Variants in ERMP1 observed in about 807,000 individuals in gnomAD.
The protein encoded by ERMP1 is endoplasmic reticulum metallopeptidase 1, also known as Felix-ina.
ERMP1 carries 86 observed loss-of-function variants against 92.0 expected under a neutral mutation model. That is an observed-to-expected ratio of 0.93 (90% CI 0.79 to 1.12). The LOEUF (loss-of-function observed/expected upper bound fraction) is 1.12, where lower values mean the gene tolerates loss of function less well. Ranked by LOEUF, ERMP1 falls within the 50% of genes most tolerant of loss-of-function variation. The pLI, the probability that ERMP1 is intolerant of heterozygous loss-of-function variation, is 0.00. For missense variants in ERMP1, 1,342 were observed against 1,116.3 expected (o/e 1.20, Z -2.88); for synonymous variants, 530 against 412.8 (o/e 1.28, Z -3.44).
Position 5,832,911 on chromosome 9 carries a change from C to T in ERMP1, c.117G>A (p.Leu39=), listed in dbSNP as rs913112285. Residue 39 remains leucine, a synonymous_variant, in exon 1 of 15, where the codon CTG becomes CTA. Coordinates refer to ENST00000339450, the MANE Select transcript of ERMP1 (RefSeq NM_024896.3). The part of the protein sequence containing the change: ...PEREARAQEP[L]VDGCSGGGRT... ...TCCCGCCGCCGCTGCACCCATCCAC[C>T]AGAGGCTCCTGCGCTCGGGCCTCCC... 6.4e-7 allele frequency: 1 copy of T among 1,561,108 alleles called. No individual in the cohort carries two copies.
intron 6 of ERMP1, among the ~76,000 whole-genome samples, chr9:5,854,290 G>GA (rs1180538453): frequency 2.6e-5 from 4 of 151,856 alleles, no homozygotes; most frequent in African/African-American, 4.8e-5. Context: ...CTTTGGAATA[G>GA]AAAAAAAATA....
intron 6 of ERMP1, among the ~76,000 whole-genome samples, chr9:5,849,667 G>C (rs976705648): frequency 6.6e-6 from 1 of 152,136 alleles, no homozygotes; most frequent in African/African-American, 2.4e-5. Context: ...TGTGATTCTT[G>C]GTTAATAAAA....
rs2131247887 is a variant in ERMP1, at chr9:5,815,485, C to T, written c.875-2450G>A. ...GAGTAAAATTAAAATACATAAAGTA[C>T]TGAAATAACAAAAAAAAAAAAAAAA... is the stretch of plus-strand genomic sequence containing the variant. On this transcript the variant is annotated intron_variant, in intron 4 of 14. Coordinates refer to ENST00000339450, the MANE Select transcript of ERMP1 (RefSeq NM_024896.3). Among the ~76,000 whole-genome samples the T allele has an allele frequency of 2.3e-5, 3 of 128,784 alleles. No individual in the cohort carries two copies. In the South Asian group the frequency reaches 8.2e-4, roughly 35 times the overall value. The allele number at this position is 128,784 out of a possible 152,430, so 84.5% of individuals were successfully genotyped here. A position where few individuals can be genotyped will look rare whatever the true frequency, so the allele number is the denominator to read the frequency against.
chr9:5,825,213 C>A lies in ERMP1; in HGVS notation c.647G>T (p.Ser216Ile), dbSNP rs574548226. 6.2e-7 allele frequency: 1 copy of A among 1,608,324 alleles called. No homozygotes were observed. The highest frequency in any genetic ancestry group is 1.1e-5 in the South Asian group (1 of 89,492). The change falls in exon 3 of 15, where the codon AGT (serine) becomes ATT (isoleucine). Residue 216 changes from serine (S) to isoleucine (I), a missense_variant. Coordinates refer to ENST00000339450, the MANE Select transcript of ERMP1 (RefSeq NM_024896.3). The stretch of plus-strand genomic sequence containing the variant: ...CACTGAGCAGCTAACTGCATCATCA[C>A]TGGCACCTTCAAATCAGAAAAACAA... Reference protein sequence around the residue: ...FDSVANSPGASDDAVSCSVML... With the variant: ...FDSVANSPGAIDDAVSCSVML...
intron 6 of ERMP1, among the ~76,000 whole-genome samples, chr9:5,843,138 T>G (rs1169061293): frequency 6.6e-6 from 1 of 152,174 alleles, no homozygotes; most frequent in African/African-American, 2.4e-5. Context: ...CATGGGCAGA[T>G]AAGGTGATAG....
Position 5,801,208 on chromosome 9 carries a change from C to T in ERMP1, c.2035G>A (p.Ala679Thr). ...GTFFPYSSNP[A>T]NPKPKRVFLQ... The stretch of plus-strand genomic sequence containing the variant: ...AACACTCTCTTTGGCTTCGGATTAG[C>T]AGGATTGGAGCTATATGGAAAAAAT... The change falls in exon 11 of 15, where the codon GCT becomes ACT. Residue 679 changes from alanine (A) to threonine (T), a missense_variant. Transcript: ENST00000339450. The T allele has an allele frequency of 6.2e-7, 1 of 1,612,574 alleles. No homozygotes were observed. The highest frequency in any genetic ancestry group is 1.1e-5 in the South Asian group (1 of 90,698).
chr9:5,820,968 G>A (rs893009305), intron 4 of ERMP1, among the ~76,000 whole-genome samples: 1 of 152,162 alleles, frequency 6.6e-6, no homozygotes, highest in Non-Finnish European at 1.5e-5. Context: ...TTTCAGGTAT[G>A]GAGTTTAGCC....
intron 13 of ERMP1, among the ~76,000 whole-genome samples, chr9:5,791,670 G>C (rs927703559): frequency 5.9e-5 from 9 of 152,160 alleles, no homozygotes; most frequent in African/African-American, 2.2e-4. Flanking sequence ...AATGTCATAT[G>C]TCTTGACATT....
intron 5 of ERMP1, among the ~76,000 whole-genome samples, chr9:5,864,509 C>G (rs1035666871): frequency 6.6e-6 from 1 of 152,170 alleles, no homozygotes; most frequent in African/African-American, 2.4e-5. Context: ...GCTATTTAAC[C>G]TCACCCCCGT....
intron 2 of ERMP1, among the ~76,000 whole-genome samples, 158 bp from the exon 3 acceptor site, chr9:5,825,377 C>G (rs572104730): frequency 2.0e-5 from 3 of 152,324 alleles, no homozygotes; most frequent in African/African-American, 7.2e-5. Context: ...TCACACCCAC[C>G]AGCAGTAAGT....
At chr9:5,821,651 T>A (rs1462123272) in intron 4 of ERMP1, among the ~76,000 whole-genome samples, 1 of 152,158 alleles carries the variant, frequency 6.6e-6, no homozygotes, top group African/African-American at 2.4e-5. Flanking sequence ...CATTAATATA[T>A]ATGTACATAG....
intron 2 of ERMP1, among the ~76,000 whole-genome samples, chr9:5,829,036 G>C (rs906713961): frequency 5.9e-5 from 9 of 151,906 alleles, no homozygotes; most frequent in Admixed American, 1.3e-4. Context: ...TTGAGGTCAG[G>C]AGTTCAAGAC....
upstream of ERMP1, among the ~76,000 whole-genome samples, chr9:5,836,870 C>T (rs1830100959): frequency 6.6e-6 from 1 of 152,098 alleles, no homozygotes; most frequent in South Asian, 2.1e-4. Context: ...AGCTTTTCTA[C>T]CCCCATGAGC....
chr9:5,824,306 G>C (rs1189509876), intron 3 of ERMP1, among the ~76,000 whole-genome samples: 4 of 152,152 alleles, frequency 2.6e-5, no homozygotes, highest in African/African-American at 9.7e-5. Flanking sequence ...AGGCACGGTG[G>C]CTCACACCTG....
chr9:5,811,909 T>G (rs1260130), intron 6 of ERMP1, among the ~76,000 whole-genome samples: 1 of 152,104 alleles, frequency 6.6e-6, no homozygotes. Flanking sequence ...GCCAACTCCT[T>G]TTTCATTTCC....
In ERMP1 at chr9:5,786,869, T is replaced by C. The variant is rs1827961052; in HGVS notation, c.*275A>G. ...TGAAGTGGATTGTTGGCTTTGTCCT[T>C]AAGGTCATATAAAATGACGTGTGTG... On this transcript the variant is annotated 3_prime_UTR_variant, in exon 15 of 15. Coordinates refer to ENST00000339450, the MANE Select transcript of ERMP1 (RefSeq NM_024896.3). The C allele has an allele frequency of 3.8e-6, 1 of 260,236 alleles. No individual in the cohort carries two copies. Among genetic ancestry groups the C allele is most frequent in the Non-Finnish European group, 7.4e-6 (1 of 136,032 alleles). The allele number at this position is 260,236 out of a possible 1,614,324, so 16.1% of individuals were successfully genotyped here.
chr9:5,866,280 T>G (rs1165516023), intron 5 of ERMP1, among the ~76,000 whole-genome samples: 1 of 152,210 alleles, frequency 6.6e-6, no homozygotes, highest in Admixed American at 6.5e-5. Flanking sequence ...GGATATATTG[T>G]TTGGATAATA....
chr9:5,787,349 C>G, intron 14 of ERMP1, 41 bp from the exon 15 acceptor site: 1 of 1,604,692 alleles, frequency 6.2e-7, no homozygotes, highest in Non-Finnish European at 8.5e-7. Flanking sequence ...TCTCAGAAGC[C>G]AGAATACTGA....
chr9:5,797,198 A>T (rs533163495), intron 13 of ERMP1, among the ~76,000 whole-genome samples: 3 of 151,244 alleles, frequency 2.0e-5, no homozygotes, highest in Admixed American at 6.6e-5. Flanking sequence ...CAACATGCCC[A>T]GCTAATTTTT....
Sources: gnomAD v4.1 joint callset for allele counts (sites outside exome capture counted in the v4.1 genomes callset) on GRCh38, gnomAD v4.1.1 for gene constraint, MANE v1.5 for transcripts, NCBI Gene and HGNC (gene_info 2026-07-23, HGNC 2026-07-21) for gene names.